Variants in ERCC8 observed in about 807,000 individuals in gnomAD.
The protein encoded by ERCC8 is ERCC excision repair 8, CSA ubiquitin ligase complex subunit.
Under a neutral mutation model 54.9 loss-of-function variants are expected in ERCC8, and 52 were observed. The ratio of observed to expected loss-of-function variants is 0.95; its 90% CI spans 0.76 to 1.19. The LOEUF (loss-of-function observed/expected upper bound fraction) is 1.19. ERCC8 is among the 50% of genes most tolerant of loss of function. ERCC8 has a pLI of 0.00. For synonymous variants in ERCC8, 146 were observed against 157.2 expected, an observed-to-expected ratio of 0.93 and a Z score of 0.53; for missense variants, 514 against 466.1, an observed-to-expected ratio of 1.10 and a Z score of -0.95.
chr5:60,938,068 TATATATATATATATATA>T (rs1561518986), intron 1 of ERCC8, among the ~76,000 whole-genome samples: 24 of 32,804 alleles, frequency 7.3e-4, no homozygotes, highest in East Asian at 2.3e-3. Context: ...TATATATATA[TATATATATATATATATA>T]TTTTATTTTT....
At chr5:60,880,113 C>T (rs1467730454) in intron 11 of ERCC8, among the ~76,000 whole-genome samples, 9 of 152,248 alleles carry the variant, frequency 5.9e-5, no homozygotes, top group East Asian at 5.8e-4. Context: ...TTTATTTCTC[C>T]TTCACTTACG....
At position 60,904,854 on chromosome 5, in the gene ERCC8, A is replaced by G. The variant is rs373783755; in HGVS notation, c.419T>C (p.Phe140Ser). ...NTLQTADVFN[F>S]EETVYSHHMS... ...ATGATGACTATAAACTGTTTCCTCA[A>G]AATTAAATACATCTGCAGTCTGGTA... The change falls in exon 5 of 12, where the codon TTT (phenylalanine) becomes TCT (serine). Residue 140 changes from phenylalanine to serine, a missense_variant. Coordinates refer to ENST00000676185, the MANE Select transcript of ERCC8 (RefSeq NM_000082.4). The G allele has an allele frequency of 8.3e-6, 13 of 1,568,304 alleles. No individual in the cohort carries two copies. The highest frequency in any genetic ancestry group is 1.3e-5 in the African/African-American group (1 of 74,182).
intron 11 of ERCC8, among the ~76,000 whole-genome samples, chr5:60,878,798 G>A (rs1013748329): frequency 1.3e-5 from 2 of 152,008 alleles, no homozygotes; most frequent in African/African-American, 4.8e-5. Context: ...TATCAATTTT[G>A]TTGATCTTTT....
chr5:60,927,625 T>A (rs1749785344), intron 2 of ERCC8, among the ~76,000 whole-genome samples: 1 of 152,172 alleles, frequency 6.6e-6, no homozygotes, highest in Non-Finnish European at 1.5e-5. Flanking sequence ...CACAACTGAT[T>A]ACTACACCAA....
intron 1 of ERCC8, among the ~76,000 whole-genome samples, chr5:60,930,292 G>C (rs1749869376): frequency 6.6e-6 from 1 of 152,170 alleles, no homozygotes; most frequent in Admixed American, 6.5e-5. Context: ...TAGGCTAGGT[G>C]CGGCGGCTCA....
chr5:60,890,005 C>A (rs145014758), intron 10 of ERCC8, among the ~76,000 whole-genome samples: 19 of 151,970 alleles, frequency 1.3e-4, no homozygotes, highest in African/African-American at 4.6e-4. Flanking sequence ...GGCTGGAGGT[C>A]GCTTGGGGGC....
chr5:60,934,264 T>G (rs1283692152), intron 1 of ERCC8, among the ~76,000 whole-genome samples: 2 of 152,242 alleles, frequency 1.3e-5, no homozygotes, highest in African/African-American at 4.8e-5. Flanking sequence ...TTTGATTTTT[T>G]GATTATGGTC....
intron 10 of ERCC8, among the ~76,000 whole-genome samples, chr5:60,890,432 A>G (rs1253241721): frequency 1.3e-5 from 2 of 152,256 alleles, no homozygotes; most frequent in African/African-American, 4.8e-5. Context: ...CAAAAGCCAG[A>G]GTATTTAAGA....
intron 1 of ERCC8, among the ~76,000 whole-genome samples, chr5:60,938,042 TAC>T (rs1216182497): frequency 0.031 from 2,531 of 80,684 alleles, 20 homozygotes; most frequent in Non-Finnish European, 0.042. Context: ...CATACATACA[TAC>T]ATACATATAT....
chr5:60,923,840 C>T (rs1479563634), intron 2 of ERCC8, among the ~76,000 whole-genome samples: 2 of 152,082 alleles, frequency 1.3e-5, no homozygotes, highest in African/African-American at 4.8e-5. Context: ...AAATTCTTCA[C>T]AGAGATCCAA....
Position 60,869,136 on chromosome 5 carries a change from T to G in ERCC8, c.*5479A>C, listed in dbSNP as rs560718236. 1.3e-5 allele frequency among the ~76,000 whole-genome samples: 2 copies of G among 152,320 alleles called. No individual in the cohort carries two copies. The highest frequency in any genetic ancestry group is 3.9e-4 in the East Asian group (2 of 5,190). On this transcript the variant is annotated 3_prime_UTR_variant, in exon 12 of 12. Coordinates refer to ENST00000676185, the MANE Select transcript of ERCC8 (RefSeq NM_000082.4). ...GTATTTGTTTATAAAAATTATAGAA[T>G]TCACAGAAACGTCTTTAGCTTCTCT...
chr5:60,882,433 C>T (rs1254137332), intron 11 of ERCC8, among the ~76,000 whole-genome samples: 1 of 152,144 alleles, frequency 6.6e-6, no homozygotes, highest in Non-Finnish European at 1.5e-5. Context: ...CTTGCTCTGT[C>T]ACCCAGGCTG....
At chr5:60,894,245 A>C (rs1213805325) in intron 9 of ERCC8, among the ~76,000 whole-genome samples, 3 of 152,080 alleles carry the variant, frequency 2.0e-5, no homozygotes, top group Non-Finnish European at 4.4e-5. Context: ...TGATCTCCCA[A>C]AGTGCTGGGA....
chr5:60,919,309 G>A (rs375685574), intron 3 of ERCC8: 8 of 151,984 alleles, frequency 5.3e-5, no homozygotes, highest in Non-Finnish European at 8.8e-5. Flanking sequence ...GGTTGGTGAA[G>A]CTGGGTGATT....
chr5:60,874,239 C>CTGA lies in ERCC8; in HGVS notation c.*373_*375dup, dbSNP rs886060720. Reference sequence around the variant, plus strand: ...ATTCTTAAAGGTGGAAACGAGCAGGCTGATAGTACAGCAAGTAAGAGAAAG... The same window carrying CTGA: ...ATTCTTAAAGGTGGAAACGAGCAGGCTGATGATAGTACAGCAAGTAAGAGAAAG... On this transcript the variant is annotated 3_prime_UTR_variant, in exon 12 of 12. Transcript: ENST00000676185. 3.5e-5 allele frequency: 6 copies of CTGA among 169,514 alleles called. No homozygotes were observed. The East Asian group carries it at 9.7e-4, about 27-fold the overall frequency. The allele number at this position is 169,514 out of a possible 1,614,324, so 10.5% of individuals were successfully genotyped here. A position where few individuals can be genotyped will look rare whatever the true frequency, so the allele number is the denominator to read the frequency against.
rs898078094 is a variant in ERCC8, at chr5:60,885,388, T to C, written c.1122+2052A>G. Among the ~76,000 whole-genome samples, 6 of 152,280 alleles carry C rather than the reference T, an allele frequency of 3.9e-5. 1 individual carries two copies. Among genetic ancestry groups the C allele is most frequent in the African/African-American group, 1.4e-4 (6 of 41,502 alleles). ...TTCTATACATAAGTCACTATAGATT[T>C]ACTTTTCATTTATTTTTACTGTTTT... On this transcript the variant is annotated intron_variant, in intron 11 of 11. Coordinates refer to ENST00000676185, the MANE Select transcript of ERCC8 (RefSeq NM_000082.4).
chr5:60,933,217 T>C (rs1245938039), intron 1 of ERCC8, among the ~76,000 whole-genome samples: 3 of 7,628 alleles, frequency 3.9e-4, no homozygotes, highest in East Asian at 0.014. Flanking sequence ...CTTTTTTTTC[T>C]TTTTTTTTTT....
intron 2 of ERCC8, 136 bp from the exon 3 acceptor site, chr5:60,922,291 TC>T (rs1271138360): frequency 8.4e-5 from 48 of 572,236 alleles, no homozygotes; most frequent in Non-Finnish European, 1.4e-4. Flanking sequence ...AATAAGTTAA[TC>T]CTCAATAACA....
chr5:60,901,565 T>C (rs1018048432), intron 7 of ERCC8, among the ~76,000 whole-genome samples: 5 of 152,046 alleles, frequency 3.3e-5, no homozygotes, highest in African/African-American at 1.2e-4. Flanking sequence ...GAGAAGCCGT[T>C]AAGTCTGAGT....
Sources: gnomAD v4.1 joint callset for allele counts (sites outside exome capture counted in the v4.1 genomes callset) on GRCh38, gnomAD v4.1.1 for gene constraint, MANE v1.5 for transcripts, NCBI Gene and HGNC (gene_info 2026-07-23, HGNC 2026-07-21) for gene names.